Variants in GRIK2 observed in about 807,000 individuals in gnomAD.
GRIK2 encodes the protein glutamate receptor ionotropic, kainate 2.
Under a neutral mutation model 100.3 loss-of-function variants are expected in GRIK2, and 32 were observed. The ratio of observed to expected loss-of-function variants is 0.32; its 90% CI spans 0.24 to 0.43. The LOEUF (loss-of-function observed/expected upper bound fraction) is 0.43, where lower values mean the gene tolerates loss of function less well. Among genes scored for constraint, GRIK2 ranks in the 20% least tolerant of loss-of-function variants. GRIK2 has a pLI of 1.00. For missense variants in GRIK2, 843 were observed against 1,114.9 expected (o/e 0.76, Z 3.47); for synonymous variants, 417 against 389.4 (o/e 1.07, Z -0.83).
chr6:101,812,260 G>A (rs778322681), intron 9 of GRIK2, among the ~76,000 whole-genome samples: 16 of 151,540 alleles, frequency 1.1e-4, no homozygotes, highest in Non-Finnish European at 1.9e-4. Context: ...AACCAAAAAA[G>A]TCTGAAAGTT....
At position 101,789,758 on chromosome 6, in the gene GRIK2, T is replaced by C. The variant is rs569778414; in HGVS notation, c.952-9890T>C. 2.0e-5 allele frequency among the ~76,000 whole-genome samples: 3 copies of C among 152,336 alleles called. No homozygotes were observed. In the South Asian group the frequency reaches 6.2e-4, roughly 32 times the overall value. ...TTCTGTGAAGAAAGTCATTGGTAGA[T>C]TGATGGGAATGGCATTGAATCTATA... is the stretch of plus-strand genomic sequence containing the variant. On this transcript the variant is annotated intron_variant, in intron 7 of 16. Coordinates refer to ENST00000369134, the MANE Select transcript of GRIK2 (RefSeq NM_021956.5).
chr6:101,700,634 C>G (rs563008824), intron 7 of GRIK2, among the ~76,000 whole-genome samples: 1 of 152,204 alleles, frequency 6.6e-6, no homozygotes, highest in South Asian at 2.1e-4. Context: ...GACTGAGGTG[C>G]CAATATATTT....
intron 2 of GRIK2, among the ~76,000 whole-genome samples, chr6:101,533,842 C>A (rs1775559417): frequency 1.3e-5 from 2 of 151,970 alleles, no homozygotes; most frequent in South Asian, 4.1e-4. Context: ...AAAATACCAT[C>A]CATGACTATC....
chr6:101,669,254 C>T (rs966752445), intron 4 of GRIK2, among the ~76,000 whole-genome samples: 10 of 152,178 alleles, frequency 6.6e-5, no homozygotes, highest in Admixed American at 5.9e-4. Flanking sequence ...AATAATTTAA[C>T]AATTTAAATA....
intron 2 of GRIK2, among the ~76,000 whole-genome samples, chr6:101,503,921 T>C (rs1773895978): frequency 6.6e-6 from 1 of 152,156 alleles, no homozygotes; most frequent in Admixed American, 6.6e-5. Context: ...AGAAATACTA[T>C]GTAGAGACTA....
At chr6:101,836,655 A>C (rs1459584027) in intron 10 of GRIK2, among the ~76,000 whole-genome samples, 1 of 45,214 alleles carries the variant, frequency 2.2e-5, no homozygotes, top group Admixed American at 2.3e-4. Flanking sequence ...ATATATATAT[A>C]TATATATTTT....
chr6:101,807,650 G>A (rs1781088308), intron 9 of GRIK2, among the ~76,000 whole-genome samples: 2 of 151,800 alleles, frequency 1.3e-5, no homozygotes, highest in African/African-American at 4.8e-5. Context: ...AACAAAGCAG[G>A]GCACCTAGAT....
At chr6:101,701,963 G>A (rs867336486) in intron 7 of GRIK2, among the ~76,000 whole-genome samples, 2 of 151,938 alleles carry the variant, frequency 1.3e-5, no homozygotes, top group Non-Finnish European at 2.9e-5. Context: ...GTATCCACTG[G>A]TTAAAATATA....
intron 2 of GRIK2, among the ~76,000 whole-genome samples, chr6:101,435,687 A>G (rs1019744875): frequency 6.6e-6 from 1 of 152,122 alleles, no homozygotes; most frequent in Non-Finnish European, 1.5e-5. Flanking sequence ...CTCAAGATCC[A>G]TGTGCCCAAA....
At chr6:101,627,332 G>C (rs554305779) in intron 4 of GRIK2, among the ~76,000 whole-genome samples, 96 of 152,154 alleles carry the variant, frequency 6.3e-4, no homozygotes, top group African/African-American at 2.2e-3. Flanking sequence ...AGTGGAGTCA[G>C]GGTTTCATCA....
intron 2 of GRIK2, among the ~76,000 whole-genome samples, chr6:101,464,584 T>C (rs1474783528): frequency 7.5e-6 from 1 of 132,550 alleles, no homozygotes; most frequent in Non-Finnish European, 1.6e-5. Context: ...TGGCACCATC[T>C]CGGCTCGCTG....
chr6:101,666,598 A>G (rs1770050993), intron 4 of GRIK2, among the ~76,000 whole-genome samples: 1 of 152,256 alleles, frequency 6.6e-6, no homozygotes, highest in African/African-American at 2.4e-5. Context: ...AGTGTCTCCC[A>G]GGAGCTAATG....
In GRIK2 at chr6:101,849,813, G is replaced by GTTTTTTT. The variant is rs36010543; in HGVS notation, c.1318-9454_1318-9448dup. The stretch of plus-strand genomic sequence containing the variant: ...AGGGATGCTATTTAAAAAAAGGAGG[G>GTTTTTTT]TTTTTTTTTTTTTTTTTTTTTTTTT... On this transcript the variant is annotated intron_variant, in intron 10 of 16. Coordinates refer to ENST00000369134, the MANE Select transcript of GRIK2 (RefSeq NM_021956.5). Among the ~76,000 whole-genome samples, 28 of 53,868 alleles carry GTTTTTTT rather than the reference G, an allele frequency of 5.2e-4. 3 individuals are homozygous for GTTTTTTT. The highest frequency in any genetic ancestry group is 3.8e-3 in the East Asian group (4 of 1,056). The allele number at this position is 53,868 out of a possible 152,430, so 35.3% of individuals were successfully genotyped here. A position where few individuals can be genotyped will look rare whatever the true frequency, so the allele number is the denominator to read the frequency against.
At chr6:101,428,716 A>T (rs894549694) in intron 2 of GRIK2, among the ~76,000 whole-genome samples, 14 of 152,316 alleles carry the variant, frequency 9.2e-5, no homozygotes, top group African/African-American at 3.4e-4. Context: ...ATAAAATCAT[A>T]GAGTTTAAAA....
At chr6:101,623,789 C>T (rs1005703840) in intron 3 of GRIK2, among the ~76,000 whole-genome samples, 1 of 152,028 alleles carries the variant, frequency 6.6e-6, no homozygotes, top group Non-Finnish European at 1.5e-5. Context: ...CTAGGAAAAG[C>T]TGAAATAAGT....
At chr6:101,674,137 TG>T (rs1305245888) in intron 4 of GRIK2, among the ~76,000 whole-genome samples, 1 of 152,216 alleles carries the variant, frequency 6.6e-6, no homozygotes, top group Admixed American at 6.6e-5. Flanking sequence ...CCTGTATGAC[TG>T]CTATGCCAAA....
intron 9 of GRIK2, among the ~76,000 whole-genome samples, chr6:101,816,337 A>G (rs1471173010): frequency 2.0e-5 from 3 of 152,156 alleles, no homozygotes; most frequent in Non-Finnish European, 1.5e-5. Flanking sequence ...GCAAAATACT[A>G]TCTGCAGATG....
At chr6:101,775,784 A>G (rs1778709257) in intron 7 of GRIK2, among the ~76,000 whole-genome samples, 1 of 151,544 alleles carries the variant, frequency 6.6e-6, no homozygotes, top group Admixed American at 6.6e-5. Context: ...TGTATATGGA[A>G]ATTATATATG....
intron 7 of GRIK2, among the ~76,000 whole-genome samples, chr6:101,785,627 A>G (rs545458302): frequency 2.0e-5 from 3 of 152,206 alleles, no homozygotes; most frequent in South Asian, 2.1e-4. Flanking sequence ...AGTAGACTAT[A>G]AATATATGGA....
Sources: allele counts gnomAD v4.1 joint callset (sites outside exome capture counted in the v4.1 genomes callset), GRCh38; gene constraint gnomAD v4.1.1; transcripts MANE v1.5; gene names NCBI Gene and HGNC (gene_info 2026-07-23, HGNC 2026-07-21).